Variants in COL16A1 observed in about 807,000 individuals in gnomAD.
COL16A1 encodes the protein collagen alpha-1(XVI) chain.
COL16A1 carries 189 observed loss-of-function variants against 266.3 expected under a neutral mutation model. The ratio of observed to expected loss-of-function variants is 0.71; its 90% CI spans 0.63 to 0.80. The LOEUF is 0.80. Among genes scored for constraint, COL16A1 ranks in the 30% least tolerant of loss-of-function variants. The pLI, the probability that COL16A1 is intolerant of heterozygous loss-of-function variation, is 0.00. For synonymous variants in COL16A1, 740 were observed against 782.3 expected, an observed-to-expected ratio of 0.95 and a Z score of 0.90; for missense variants, 1,928 against 2,122.4, an observed-to-expected ratio of 0.91 and a Z score of 1.80.
At chr1:31,679,941 G>C (rs1318568238) in intron 40 of COL16A1, 90 bp from the exon 41 acceptor site, 4 of 1,558,102 alleles carry the variant, frequency 2.6e-6, no homozygotes, top group Non-Finnish European at 3.5e-6. Context: ...GCGGCTGGCT[G>C]GGGTGCGTGG....
rs182435797 is a variant in COL16A1, at chr1:31,668,529, C to T, written c.3249+273G>A. On this transcript the variant is annotated intron_variant, in intron 50 of 70. Transcript: ENST00000373672. The surrounding 1 kb of genome is among the most constrained non-coding windows in gnomAD (Gnocchi z 5.8). ...GGCTGGGATGCTGAGTGACAACAGC[C>T]GAGGGAGGGAGGGGAGCCCCCAGGG... is the stretch of plus-strand genomic sequence containing the variant. Among the ~76,000 whole-genome samples, 48 of 152,144 alleles carry T rather than the reference C, an allele frequency of 3.2e-4. No homozygotes were observed. Among genetic ancestry groups the T allele is most frequent in the Admixed American group, 2.2e-3 (34 of 15,290 alleles).
intron 55 of COL16A1, 87 bp downstream of exon 55, chr1:31,665,496 C>T: frequency 6.2e-7 from 1 of 1,610,364 alleles, no homozygotes; most frequent in Non-Finnish European, 8.5e-7. Context: ...TCCCCAGGAC[C>T]ATCCTACCCC....
chr1:31,690,651 C>T, intron 20 of COL16A1, 78 bp from the exon 21 acceptor site: 6 of 1,563,776 alleles, frequency 3.8e-6, no homozygotes, highest in Non-Finnish European at 5.2e-6. Context: ...CCCACCCGTG[C>T]CCCTCTGTGA....
At position 31,679,631 on chromosome 1, in the gene COL16A1, C is replaced by T. The variant is rs750062781; in HGVS notation, c.2772+1G>A. The T allele has an allele frequency of 1.2e-6, 2 of 1,614,240 alleles. No homozygotes were observed. The highest frequency in any genetic ancestry group is 1.1e-5 in the South Asian group (1 of 91,088). The stretch of plus-strand genomic sequence containing the variant: ...CTCCTCATTCTCTTCTCCCCCTTTA[C>T]CTGCAGCCCAGGTACTCCAGGGGGG... On this transcript the variant is annotated splice_donor_variant, in intron 42 of 70. Transcript: ENST00000373672. LOFTEE classifies it high-confidence loss of function.
Position 31,652,624 on chromosome 1 carries a change from C to CT in COL16A1, c.*26dup. On this transcript the variant is annotated 3_prime_UTR_variant, in exon 71 of 71. Coordinates refer to ENST00000373672, the MANE Select transcript of COL16A1 (RefSeq NM_001856.4). The surrounding 1 kb of genome is among the most constrained non-coding windows in gnomAD (Gnocchi z 4.8). Reference sequence around the variant, plus strand: ...TTTGGCCATTTATTCCCAACGGAGTCTTTCATCCAAAGGCAGGTGGGGAAT... The same window carrying CT: ...TTTGGCCATTTATTCCCAACGGAGTCTTTTCATCCAAAGGCAGGTGGGGAAT... The CT allele has an allele frequency of 6.5e-7, 1 of 1,540,320 alleles. No homozygotes were observed. The highest frequency in any genetic ancestry group is 8.7e-7 in the Non-Finnish European group (1 of 1,147,660).
Position 31,661,231 on chromosome 1 carries a change from C to T in COL16A1, c.3772-112G>A. ...CACCTGCCCCAGCTTTGGCCAGAGG[C>T]CCTCTGATGCCCTCCAGCTGGTAGA... is the stretch of plus-strand genomic sequence containing the variant. On this transcript the variant is annotated intron_variant, in intron 60 of 70. Transcript: ENST00000373672. The T allele has an allele frequency of 3.4e-6, 5 of 1,453,342 alleles. No homozygotes were observed. The South Asian group carries it at 6.4e-5, about 19-fold the overall frequency. The allele number at this position is 1,453,342 out of a possible 1,614,324, so 90.0% of individuals were successfully genotyped here.
chr1:31,672,431 G>T lies in COL16A1; in HGVS notation c.3090C>A (p.Gly1030=). The T allele has an allele frequency of 3.1e-6, 5 of 1,614,148 alleles. No homozygotes were observed. Among genetic ancestry groups the T allele is most frequent in the Non-Finnish European group, 4.2e-6 (5 of 1,180,018 alleles). Reference sequence around the variant, plus strand: ...CTGGTCTTACCTCTTCTCCTCTCTGGCCTGGCAATCCCGGAGGACCAGGTA... The same window carrying T: ...CTGGTCTTACCTCTTCTCCTCTCTGTCCTGGCAATCCCGGAGGACCAGGTA... ...PGLPGPPGLP[G]QRGEEGPPGM... is the part of the protein sequence containing the mutation. Residue 1030 remains glycine, a synonymous_variant, in exon 47 of 71, where the codon GGC becomes GGA. Coordinates refer to ENST00000373672, the MANE Select transcript of COL16A1 (RefSeq NM_001856.4).
chr1:31,703,562 A>AGTCTCTGGTCGCCACTCCTC (rs1644794930), intron 1 of COL16A1, among the ~76,000 whole-genome samples: 1 of 152,084 alleles, frequency 6.6e-6, no homozygotes. Context: ...TCCGGCTCCT[A>AGTCTCTGGTCGCCACTCCTC]GTCTCTGGTC....
At chr1:31,691,304 C>A in intron 19 of COL16A1, 78 bp from the exon 20 acceptor site, 1 of 1,597,086 alleles carries the variant, frequency 6.3e-7, no homozygotes, top group Non-Finnish European at 8.5e-7. Context: ...TCACCCTCTC[C>A]TCCAGCCAGG....
rs570851683 is a variant in COL16A1, at chr1:31,672,596, C to A, written c.3018G>T (p.Arg1006=). 1.9e-6 allele frequency: 3 copies of A among 1,607,420 alleles called. No individual in the cohort carries two copies. In the Admixed American group the frequency reaches 5.0e-5, roughly 27 times the overall value. Residue 1006 remains arginine (R), a splice_region_variant and synonymous_variant, in exon 46 of 71, where the codon CGG becomes CGT. Transcript: ENST00000373672. Reference sequence around the variant, plus strand: ...GGGGGAGATAAGGCGAGGCACTCACCCGGGCCTCCTCGGCTCTTGGGCGCT... The same window carrying A: ...GGGGGAGATAAGGCGAGGCACTCACACGGGCCTCCTCGGCTCTTGGGCGCT... The part of the protein sequence containing the change: ...SLERPRAEEA[R]GDNSEGDPGC...
In COL16A1 at chr1:31,702,521, G is replaced by T. The variant is rs371665378; in HGVS notation, c.-34-294C>A. Among the ~76,000 whole-genome samples the T allele has an allele frequency of 1.1e-3, 162 of 152,366 alleles. 2 individuals are homozygous for T. In the South Asian group the frequency reaches 0.012, roughly 11 times the overall value. Reference sequence around the variant, plus strand: ...GTCCAGGCAGCATCTGGCTGTGCCAGTGGATACTTGCTGGATTGGGAGAGG... The same window carrying T: ...GTCCAGGCAGCATCTGGCTGTGCCATTGGATACTTGCTGGATTGGGAGAGG... On this transcript the variant is annotated intron_variant, in intron 1 of 70. Transcript: ENST00000373672.
At chr1:31,690,708 C>T (rs532635441) in intron 20 of COL16A1, 135 bp from the exon 21 acceptor site, 391 of 1,415,388 alleles carry the variant, frequency 2.8e-4, no homozygotes, top group Non-Finnish European at 3.4e-4. Flanking sequence ...TTGTTCCATT[C>T]GGTCGGTTCC....
At chr1:31,654,523 G>A (rs930433969) in intron 68 of COL16A1, among the ~76,000 whole-genome samples, 13 of 152,186 alleles carry the variant, frequency 8.5e-5, no homozygotes, top group African/African-American at 1.7e-4. Context: ...AGGCAGACTC[G>A]TTTAATACCA....
At chr1:31,684,359 C>A in intron 31 of COL16A1, 128 bp from the exon 32 acceptor site, 1 of 1,453,040 alleles carries the variant, frequency 6.9e-7, no homozygotes. Flanking sequence ...TCAAAACAGG[C>A]CCCTGACACT....
At chr1:31,683,771 C>T in intron 33 of COL16A1, 23 bp from the exon 34 acceptor site, 1 of 1,614,038 alleles carries the variant, frequency 6.2e-7, no homozygotes, top group Non-Finnish European at 8.5e-7. Context: ...AAGGACAGTC[C>T]CTGGCTCGAG....
In COL16A1 at chr1:31,665,873, G is replaced by A. The variant is rs199753135; in HGVS notation, c.3456+9C>T. 2.0e-5 allele frequency: 33 copies of A among 1,614,014 alleles called. No individual in the cohort carries two copies. Among genetic ancestry groups the A allele is most frequent in the East Asian group, 4.5e-5 (2 of 44,892 alleles). On this transcript the variant is annotated intron_variant, in intron 54 of 70. Transcript: ENST00000373672. ...GCCTCCCTGCAGCCAGGTCCCAGTC[G>A]TCACTCACCTGGTCGCCCTTCTCAC...
chr1:31,683,915 T>C (rs770394604), intron 33 of COL16A1, 35 bp downstream of exon 33: 1 of 1,613,740 alleles, frequency 6.2e-7, no homozygotes, highest in Non-Finnish European at 8.5e-7. Context: ...TGCCCTCACG[T>C]AGCTACGGCC....
In COL16A1 at chr1:31,656,536, C is replaced by T. The variant is rs1570338382; in HGVS notation, c.4057-92G>A. The T allele has an allele frequency of 6.5e-7, 1 of 1,544,312 alleles. No individual in the cohort carries two copies. The highest frequency in any genetic ancestry group is 2.4e-5 in the East Asian group (1 of 42,374). On this transcript the variant is annotated intron_variant, in intron 65 of 70. Transcript: ENST00000373672. This position sits in a 1 kb window ranked among gnomAD's most constrained non-coding sequence, Gnocchi z 4.2. ...TGCAGTGAAGAGGCCCCTTCCACAG[C>T]CTGAGGCCCCCAGGTGTGTCCAGCC...
At position 31,692,486 on chromosome 1, in the gene COL16A1, T is replaced by G. The variant is rs777330662; in HGVS notation, c.1182A>C (p.Ser394=). 6.2e-6 allele frequency: 10 copies of G among 1,613,446 alleles called. No individual in the cohort carries two copies. In the African/African-American group the frequency reaches 1.3e-4, roughly 22 times the overall value. The change falls in exon 16 of 71, where the codon TCA becomes TCC. Residue 394 remains serine (S), a synonymous_variant. Coordinates refer to ENST00000373672, the MANE Select transcript of COL16A1 (RefSeq NM_001856.4). Reference sequence around the variant, plus strand: ...CCAGGCTTGTTACCTTCTCGCCTGTTGAGCCTGGGAGTCCTGAGGGTCCCT... The same window carrying G: ...CCAGGCTTGTTACCTTCTCGCCTGTGGAGCCTGGGAGTCCTGAGGGTCCCT... ...GALGPSGLPG[S]TGEKGQKGEK...
Sources: allele counts gnomAD v4.1 joint callset (sites outside exome capture counted in the v4.1 genomes callset), GRCh38; gene constraint gnomAD v4.1.1; non-coding constraint Gnocchi (gnomAD v3.1); transcripts MANE v1.5; gene names NCBI Gene and HGNC (gene_info 2026-07-23, HGNC 2026-07-21).